The following CCDC3 variants were observed in gnomAD, a reference collection of about 807,000 sequenced individuals.
CCDC3 encodes coiled-coil domain-containing protein 3.
A neutral mutation model predicts 21.4 loss-of-function variants in CCDC3; 24 were observed. That is an observed-to-expected ratio of 1.12 (90% CI 0.81 to 1.58). The LOEUF (loss-of-function observed/expected upper bound fraction) is 1.58, where lower values mean the gene tolerates loss of function less well. CCDC3 is among the 40% of genes most tolerant of loss of function. The pLI is 0.00. For synonymous variants in CCDC3, 186 were observed against 166.0 expected (o/e 1.12, Z -0.93); for missense variants, 425 against 360.9 (o/e 1.18, Z -1.44).
rs1836707759 is a variant in CCDC3, at chr10:13,058,234, T to C, written c.-269-8293A>G. On this transcript the variant is annotated intron_variant, in intron 4 of 6. Coordinates refer to the CCDC3 transcript ENST00000378839. ...TGCCAGCGGTAGTTCTGGCAAGGCC[T>C]GCATCCAAATAGCAGGTAAAGGCAC... 3.0e-6 allele frequency: 4 copies of C among 1,334,004 alleles called. No homozygotes were observed. The Admixed American group carries it at 6.7e-5, about 22-fold the overall frequency. 82.6% of individuals were successfully genotyped at this position (1,334,004 alleles called of 1,614,324 possible).
intron 5 of CCDC3, among the ~76,000 whole-genome samples, chr10:13,011,624 C>A (rs1835985101): frequency 6.6e-6 from 1 of 152,004 alleles, no homozygotes; most frequent in South Asian, 2.1e-4. Context: ...TGCTATAATG[C>A]CCAAAGCAAT....
chr10:13,020,210 G>A (rs765414135), intron 5 of CCDC3, among the ~76,000 whole-genome samples: 12 of 152,192 alleles, frequency 7.9e-5, no homozygotes, highest in African/African-American at 1.7e-4. Context: ...CTAGTAACAT[G>A]AGGCATGAGT....
chr10:12,900,964 G>A lies in CCDC3; in HGVS notation c.550-2285C>T, dbSNP rs1424582571. On this transcript the variant is annotated intron_variant, in intron 2 of 2. Transcript: ENST00000378825. ...GACCGATAGCCGATAGCCCTAAGCT[G>A]AGTCTCTCTCCGGAAACTGACCCTG... 2.0e-5 allele frequency among the ~76,000 whole-genome samples: 3 copies of A among 152,294 alleles called. No individual in the cohort carries two copies. In the East Asian group the frequency reaches 5.8e-4, roughly 29 times the overall value.
At chr10:13,059,644 G>T (rs1836729052) in intron 4 of CCDC3, among the ~76,000 whole-genome samples, 1 of 151,984 alleles carries the variant, frequency 6.6e-6, no homozygotes, top group African/African-American at 2.4e-5. Flanking sequence ...AAAAATTACT[G>T]AAGGTTTTTT....
rs1398670851 is a variant in CCDC3 at position 12,898,160 on chromosome 10, C to G, written c.*256G>C. ...GCTCTGCAGGCGAGCATTCAGCACT[C>G]AGGGATCCCACTGCCTCTGGACTGC... is the stretch of plus-strand genomic sequence containing the variant. On this transcript the variant is annotated 3_prime_UTR_variant, in exon 3 of 3. Transcript: ENST00000378825. 3 of 521,896 alleles carry G rather than the reference C, an allele frequency of 5.7e-6. No individual in the cohort carries two copies. The highest frequency in any genetic ancestry group is 3.1e-5 in the South Asian group (1 of 32,650). The allele number at this position is 521,896 out of a possible 1,614,324, so 32.3% of individuals were successfully genotyped here.
intron 4 of CCDC3, chr10:13,058,470 C>T: frequency 1.3e-6 from 1 of 755,668 alleles, no homozygotes; most frequent in East Asian, 2.4e-5. Context: ...ATATCCCCCT[C>T]AATATGGCCT....
At chr10:12,924,261 C>A (rs1834499130) in intron 2 of CCDC3, among the ~76,000 whole-genome samples, 1 of 152,118 alleles carries the variant, frequency 6.6e-6, no homozygotes, top group African/African-American at 2.4e-5. Context: ...TATGTCGAGG[C>A]CCTCTAAGTA....
chr10:13,039,346 C>T (rs891219646), intron 5 of CCDC3, among the ~76,000 whole-genome samples: 8 of 151,826 alleles, frequency 5.3e-5, no homozygotes, highest in Non-Finnish European at 8.8e-5. Flanking sequence ...CCACTTGAAC[C>T]TGGGAGGCGG....
At chr10:12,985,976 C>T (rs1279531170) in intron 2 of CCDC3, among the ~76,000 whole-genome samples, 3 of 152,168 alleles carry the variant, frequency 2.0e-5, no homozygotes, top group East Asian at 1.9e-4. Flanking sequence ...CCCGGGTTCA[C>T]GCCATTCTCC....
intron 2 of CCDC3, among the ~76,000 whole-genome samples, chr10:12,899,389 CA>C (rs1490187397): frequency 6.6e-6 from 1 of 152,116 alleles, no homozygotes; most frequent in East Asian, 1.9e-4. Flanking sequence ...AGAGTGTTGA[CA>C]TCTATAAAGA....
intron 4 of CCDC3, chr10:13,057,949 A>C (rs1836703696): frequency 3.3e-6 from 2 of 603,970 alleles, no homozygotes; most frequent in Non-Finnish European, 6.0e-6. Context: ...TAGCAGCATG[A>C]GCTTTCTTGT....
At chr10:12,972,979 T>C (rs1201418259) in intron 2 of CCDC3, among the ~76,000 whole-genome samples, 1 of 152,194 alleles carries the variant, frequency 6.6e-6, no homozygotes, top group Admixed American at 6.5e-5. Flanking sequence ...GGCAGCCTTC[T>C]CCTTTAAGCC....
chr10:12,986,579 T>C (rs970649466), intron 2 of CCDC3, among the ~76,000 whole-genome samples: 26 of 152,120 alleles, frequency 1.7e-4, no homozygotes, highest in Admixed American at 7.8e-4. Flanking sequence ...TGGAAACCAC[T>C]CTAGCTAACA....
chr10:13,068,672 C>T (rs1242901345), intron 4 of CCDC3, among the ~76,000 whole-genome samples: 1 of 152,126 alleles, frequency 6.6e-6, no homozygotes, highest in Non-Finnish European at 1.5e-5. Flanking sequence ...ATAAACCACA[C>T]CCTTAATTAT....
intron 5 of CCDC3, among the ~76,000 whole-genome samples, chr10:13,027,468 A>G (rs1836237916): frequency 6.6e-6 from 1 of 152,180 alleles, no homozygotes; most frequent in Admixed American, 6.5e-5. Context: ...GTCTCATTGC[A>G]CTAAGACACT....
chr10:13,028,017 C>G (rs948299249), intron 5 of CCDC3, among the ~76,000 whole-genome samples: 1 of 152,106 alleles, frequency 6.6e-6, no homozygotes, highest in Non-Finnish European at 1.5e-5. Flanking sequence ...GGCCAGGACC[C>G]TCTGTTTACA....
intron 2 of CCDC3, among the ~76,000 whole-genome samples, chr10:12,956,361 A>G (rs1835085549): frequency 6.6e-6 from 1 of 152,162 alleles, no homozygotes; most frequent in Non-Finnish European, 1.5e-5. Context: ...AATGGTCTAG[A>G]TGAAGGTCAG....
intron 5 of CCDC3, among the ~76,000 whole-genome samples, chr10:13,042,144 C>G (rs1564330167): frequency 6.6e-6 from 1 of 152,196 alleles, no homozygotes; most frequent in African/African-American, 2.4e-5. Context: ...GATGCCGTTT[C>G]CTGCTGTGTG....
intron 4 of CCDC3, chr10:13,058,218 T>A: frequency 7.8e-7 from 1 of 1,289,812 alleles, no homozygotes; most frequent in Non-Finnish European, 1.1e-6. Context: ...TTGCCAGCGG[T>A]AGTTCTGGCA....
Sources: gnomAD v4.1 joint callset for allele counts (sites outside exome capture counted in the v4.1 genomes callset) on GRCh38, gnomAD v4.1.1 for gene constraint, MANE v1.5 for transcripts, NCBI Gene and HGNC (gene_info 2026-07-23, HGNC 2026-07-21) for gene names.